The following LHFPL3 variants were observed in gnomAD, a reference collection of about 807,000 sequenced individuals.
The protein encoded by LHFPL3 is LHFPL tetraspan subfamily member 3 protein.
In LHFPL3, 5 loss-of-function variants were observed where a neutral mutation model predicts 19.3. That is an observed-to-expected ratio of 0.26 (90% CI 0.14 to 0.54). The LOEUF is 0.54. Ranked by LOEUF, LHFPL3 falls within the 20% of genes least tolerant of loss-of-function variation. The pLI is 0.94. For synonymous variants in LHFPL3, 133 were observed against 126.2 expected (o/e 1.05, Z -0.36); for missense variants, 249 against 307.4 (o/e 0.81, Z 1.42).
intron 2 of LHFPL3, among the ~76,000 whole-genome samples, chr7:104,774,181 A>T (rs1321815935): frequency 6.6e-6 from 1 of 152,248 alleles, no homozygotes; most frequent in Non-Finnish European, 1.5e-5. Context: ...GCAGAAGGAA[A>T]GGAGAAGGGA....
chr7:104,488,239 C>T (rs1392968202), intron 1 of LHFPL3, among the ~76,000 whole-genome samples: 1 of 152,136 alleles, frequency 6.6e-6, no homozygotes, highest in Non-Finnish European at 1.5e-5. Flanking sequence ...GCAACACTTA[C>T]AAATATTTTG....
At position 104,570,063 on chromosome 7, in the gene LHFPL3, T is replaced by TAA. The variant is rs1216096151; in HGVS notation, c.446-166611_446-166610insAA. Among the ~76,000 whole-genome samples the TAA allele has an allele frequency of 2.0e-5, 3 of 152,254 alleles. No homozygotes were observed. In the East Asian group the frequency reaches 5.8e-4, roughly 29 times the overall value. ...AATTTCTCTCAAATACATCTGCTCT[T>TAA]ACATTTTTTTAAGTGCTGGCTTAAA... is the stretch of plus-strand genomic sequence containing the variant. On this transcript the variant is annotated intron_variant, in intron 1 of 2. Transcript: ENST00000424859.
intron 1 of LHFPL3, among the ~76,000 whole-genome samples, chr7:104,679,360 C>T (rs1315190762): frequency 6.6e-6 from 1 of 152,216 alleles, no homozygotes; most frequent in Non-Finnish European, 1.5e-5. Context: ...TTTTATGACT[C>T]AATCTTGTCA....
intron 1 of LHFPL3, among the ~76,000 whole-genome samples, chr7:104,453,097 T>C (rs1172173573): frequency 6.6e-6 from 1 of 152,196 alleles, no homozygotes; most frequent in African/African-American, 2.4e-5. Context: ...ATGTATTTAA[T>C]AGTGCTTTTA....
intron 1 of LHFPL3, among the ~76,000 whole-genome samples, chr7:104,473,250 C>G (rs6465991): frequency 0.57 from 86,883 of 152,002 alleles, 25,430 homozygotes; most frequent in African/African-American, 0.66. Context: ...ATGGTTTCCT[C>G]TTCAATTTAT....
intron 2 of LHFPL3, among the ~76,000 whole-genome samples, chr7:104,751,610 G>T (rs2116345954): frequency 6.6e-6 from 1 of 151,394 alleles, no homozygotes; most frequent in East Asian, 2.0e-4. Context: ...GGGTGAGAGA[G>T]ACGATTTTGC....
intron 1 of LHFPL3, among the ~76,000 whole-genome samples, chr7:104,704,963 T>C (rs1793165793): frequency 6.6e-6 from 1 of 152,228 alleles, no homozygotes; most frequent in Non-Finnish European, 1.5e-5. Context: ...AAAAATCTTC[T>C]CTCAGGAGAC....
chr7:104,436,930 C>A (rs1048425386), intron 1 of LHFPL3, among the ~76,000 whole-genome samples: 1 of 152,164 alleles, frequency 6.6e-6, no homozygotes, highest in Non-Finnish European at 1.5e-5. Flanking sequence ...AGAGGTGACA[C>A]ATACTTTTCA....
intron 1 of LHFPL3, among the ~76,000 whole-genome samples, chr7:104,330,027 T>G (rs1801540353): frequency 6.6e-6 from 1 of 152,216 alleles, no homozygotes; most frequent in South Asian, 2.1e-4. Context: ...GATCACTCTT[T>G]CCCTGTGGAT....
At chr7:104,344,722 T>G (rs1387461243) in intron 1 of LHFPL3, among the ~76,000 whole-genome samples, 1 of 152,248 alleles carries the variant, frequency 6.6e-6, no homozygotes, top group East Asian at 1.9e-4. Context: ...TGTGCTACAA[T>G]AAACATATGC....
intron 1 of LHFPL3, chr7:104,669,220 C>G (rs1310824677): frequency 6.2e-7 from 1 of 1,613,952 alleles, no homozygotes; most frequent in Admixed American, 1.7e-5. Context: ...CCCTCCTGCT[C>G]GATCTCAGAG....
intron 1 of LHFPL3, among the ~76,000 whole-genome samples, chr7:104,575,740 G>A (rs886454206): frequency 1.3e-5 from 2 of 151,646 alleles, no homozygotes; most frequent in Admixed American, 6.6e-5. Context: ...CCACCTCTCC[G>A]GGCTCAGGTG....
At chr7:104,431,945 G>A (rs1410590228) in intron 1 of LHFPL3, among the ~76,000 whole-genome samples, 1 of 152,102 alleles carries the variant, frequency 6.6e-6, no homozygotes, top group Non-Finnish European at 1.5e-5. Context: ...AATGTCCAAG[G>A]GGCCAATGAA....
chr7:104,476,747 A>C (rs1793027478), intron 1 of LHFPL3, among the ~76,000 whole-genome samples: 1 of 152,154 alleles, frequency 6.6e-6, no homozygotes, highest in South Asian at 2.1e-4. Context: ...GGCATGAGCC[A>C]CCACGCCCGG....
At chr7:104,679,014 T>C (rs1455695603) in intron 1 of LHFPL3, among the ~76,000 whole-genome samples, 1 of 152,258 alleles carries the variant, frequency 6.6e-6, no homozygotes, top group Non-Finnish European at 1.5e-5. Context: ...TATTGTTACG[T>C]GACAAATTAA....
At chr7:104,353,643 A>G (rs1022555346) in intron 1 of LHFPL3, among the ~76,000 whole-genome samples, 2 of 152,238 alleles carry the variant, frequency 1.3e-5, no homozygotes, top group Non-Finnish European at 2.9e-5. Flanking sequence ...ATAAGCTATG[A>G]GCATTAGTGC....
chr7:104,837,779 CA>C (rs561053714), intron 2 of LHFPL3, among the ~76,000 whole-genome samples: 150 of 152,268 alleles, frequency 9.9e-4, no homozygotes, highest in African/African-American at 3.5e-3. Context: ...CAGTCTAACT[CA>C]AAGCCCACAC....
intron 1 of LHFPL3, among the ~76,000 whole-genome samples, chr7:104,704,193 A>G (rs1368038016): frequency 6.6e-6 from 1 of 152,206 alleles, no homozygotes; most frequent in Non-Finnish European, 1.5e-5. Context: ...ATGAAAATTG[A>G]AAAACACTAC....
intron 1 of LHFPL3, among the ~76,000 whole-genome samples, chr7:104,700,353 T>G (rs969977348): frequency 9.9e-5 from 15 of 152,210 alleles, no homozygotes; most frequent in Admixed American, 9.8e-4. Context: ...AGAGCCAGAT[T>G]AGTGGAGCCA....
Sources: allele counts gnomAD v4.1 joint callset (sites outside exome capture counted in the v4.1 genomes callset), GRCh38; gene constraint gnomAD v4.1.1; transcripts MANE v1.5; gene names NCBI Gene and HGNC (gene_info 2026-07-23, HGNC 2026-07-21).